Variants in LMO1 observed in about 807,000 individuals in gnomAD.
LMO1 encodes the protein rhombotin-1.
LMO1 carries 10 observed loss-of-function variants against 18.0 expected under a neutral mutation model. The observed-to-expected ratio is 0.55, with a 90% CI of 0.34 to 0.94. The LOEUF (loss-of-function observed/expected upper bound fraction) is 0.94. Ranked by LOEUF, LMO1 falls within the 40% of genes least tolerant of loss-of-function variation. The pLI, the probability that LMO1 is intolerant of heterozygous loss-of-function variation, is 0.02. For missense variants in LMO1, 183 were observed against 205.7 expected (o/e 0.89, Z 0.68); for synonymous variants, 77 against 77.9 (o/e 0.99, Z 0.06).
intron 1 of LMO1, among the ~76,000 whole-genome samples, chr11:8,248,472 A>G (rs1056463720): frequency 2.0e-5 from 3 of 152,210 alleles, no homozygotes; most frequent in African/African-American, 7.2e-5. Flanking sequence ...CAGACAGACC[A>G]CTATACAGAC....
chr11:8,238,754 C>T (rs909755608), intron 1 of LMO1, among the ~76,000 whole-genome samples: 9 of 151,598 alleles, frequency 5.9e-5, no homozygotes, highest in African/African-American at 2.2e-4. Flanking sequence ...GGACAAGGAG[C>T]CCAGTGTACT....
chr11:8,240,293 C>A (rs563854594), intron 1 of LMO1, among the ~76,000 whole-genome samples: 2 of 152,156 alleles, frequency 1.3e-5, no homozygotes, highest in Non-Finnish European at 2.9e-5. Context: ...TTTTGCAGTG[C>A]GTTTTGGTGA....
chr11:8,252,749 C>T (rs1486699868), intron 1 of LMO1, among the ~76,000 whole-genome samples: 1 of 152,232 alleles, frequency 6.6e-6, no homozygotes, highest in Non-Finnish European at 1.5e-5. Context: ...CTTGAAACAA[C>T]CCCACATGAA....
At chr11:8,230,155 A>AG in intron 2 of LMO1, 136 bp downstream of exon 2, 1 of 760,484 alleles carries the variant, frequency 1.3e-6, no homozygotes, top group Non-Finnish European at 2.2e-6. Context: ...CAAGCAGGGC[A>AG]GGGGCAGGAC....
In LMO1 at chr11:8,226,960, C is replaced by A; in HGVS notation, c.365+15G>T. 1 of 1,605,194 alleles carries A rather than the reference C, an allele frequency of 6.2e-7. No homozygotes were observed. Among genetic ancestry groups the A allele is most frequent in the East Asian group, 2.2e-5 (1 of 44,658 alleles). On this transcript the variant is annotated intron_variant, in intron 3 of 3. Transcript: ENST00000335790. ...CGTCTGGGGAGTGTGTTGGGTCGGCCAGTCCAGCACTGACCTCTGGTTGCA... is the reference window on the plus strand; with the variant it reads ...CGTCTGGGGAGTGTGTTGGGTCGGCAAGTCCAGCACTGACCTCTGGTTGCA...
intron 1 of LMO1, among the ~76,000 whole-genome samples, chr11:8,261,919 CCT>C (rs1847192729): frequency 6.6e-6 from 1 of 152,150 alleles, no homozygotes; most frequent in Non-Finnish European, 1.5e-5. Flanking sequence ...TTCCCCCCAT[CCT>C]CTCTCTTCCT....
intron 3 of LMO1, among the ~76,000 whole-genome samples, chr11:8,226,126 T>C (rs1043416049): frequency 6.6e-6 from 1 of 152,136 alleles, no homozygotes. Context: ...GGAACATACA[T>C]GCACACACAT....
chr11:8,267,627 T>C (rs554401175), upstream of LMO1, among the ~76,000 whole-genome samples: 1 of 152,260 alleles, frequency 6.6e-6, no homozygotes, highest in African/African-American at 2.4e-5. Flanking sequence ...TTACTGTAGT[T>C]TGGGCGTGGG....
chr11:8,243,175 C>A (rs1248356939), intron 1 of LMO1, among the ~76,000 whole-genome samples: 1 of 152,138 alleles, frequency 6.6e-6, no homozygotes, highest in Non-Finnish European at 1.5e-5. Flanking sequence ...AGGCATTGCC[C>A]CGGGGCTTCC....
chr11:8,226,180 C>T (rs1024486140), intron 3 of LMO1, among the ~76,000 whole-genome samples: 1 of 152,226 alleles, frequency 6.6e-6, no homozygotes, highest in South Asian at 2.1e-4. Context: ...GATACGTTAT[C>T]CCATGCACAT....
At chr11:8,230,207 CG>C in intron 2 of LMO1, 83 bp downstream of exon 2, 3 of 1,252,922 alleles carry the variant, frequency 2.4e-6, no homozygotes, top group Non-Finnish European at 3.5e-6. Context: ...GGTCTAGGGC[CG>C]GGGGCACAGT....
chr11:8,243,133 T>A (rs1020330759), intron 1 of LMO1, among the ~76,000 whole-genome samples: 1 of 152,094 alleles, frequency 6.6e-6, no homozygotes, highest in Non-Finnish European at 1.5e-5. Context: ...TGGCTGGGGC[T>A]GAGACAGCAC....
chr11:8,254,262 C>T lies in LMO1; in HGVS notation c.25+9076G>A, dbSNP rs184699921. On this transcript the variant is annotated intron_variant, in intron 1 of 3. Coordinates refer to ENST00000335790, the MANE Select transcript of LMO1 (RefSeq NM_002315.3). ...CTCCACGCCGGAATTACCATGGTAA[C>T]TCAAGTAAAAAGAATCAAGCAATTC... Among the ~76,000 whole-genome samples, 94 of 152,296 alleles carry T rather than the reference C, an allele frequency of 6.2e-4. 1 individual carries two copies. The East Asian group carries it at 0.017, about 28-fold the overall frequency.
upstream of LMO1, among the ~76,000 whole-genome samples, chr11:8,266,117 C>T (rs1430257375): frequency 6.6e-6 from 1 of 152,182 alleles, no homozygotes; most frequent in African/African-American, 2.4e-5. Flanking sequence ...TAGGGCATGC[C>T]AGCAGGGGAC....
In LMO1 at chr11:8,224,610, C is replaced by T. The variant is rs377474450; in HGVS notation, c.*6G>A. On this transcript the variant is annotated 3_prime_UTR_variant, in exon 4 of 4. Transcript: ENST00000335790. ...ACAGACGGGCCTGGAGGCCAGGCGCCGGGCGTTACTGAACTTGGGATTCAA... is the reference window on the plus strand; with the variant it reads ...ACAGACGGGCCTGGAGGCCAGGCGCTGGGCGTTACTGAACTTGGGATTCAA... The T allele has an allele frequency of 1.5e-5, 23 of 1,576,922 alleles. No homozygotes were observed. Among genetic ancestry groups the T allele is most frequent in the African/African-American group, 1.4e-4 (10 of 74,042 alleles).
chr11:8,229,211 C>G (rs777632473), intron 2 of LMO1, among the ~76,000 whole-genome samples: 28 of 152,334 alleles, frequency 1.8e-4, no homozygotes, highest in Non-Finnish European at 3.5e-4. Flanking sequence ...TTAACCCCTG[C>G]TTCTGGTCTC....
chr11:8,226,684 GCA>G (rs769306836), intron 3 of LMO1, among the ~76,000 whole-genome samples: 2 of 152,178 alleles, frequency 1.3e-5, no homozygotes, highest in Non-Finnish European at 2.9e-5. Context: ...GCATGCACAT[GCA>G]CACTCAACTA....
chr11:8,267,978 C>T (rs1847277852), upstream of LMO1, among the ~76,000 whole-genome samples: 2 of 152,252 alleles, frequency 1.3e-5, no homozygotes, highest in African/African-American at 4.8e-5. Context: ...TGGGCACCCC[C>T]ACCACCCCGC....
chr11:8,267,713 G>C (rs1011353952), upstream of LMO1, among the ~76,000 whole-genome samples: 1 of 152,206 alleles, frequency 6.6e-6, no homozygotes, highest in Non-Finnish European at 1.5e-5. Flanking sequence ...GGAACCTGAA[G>C]GACCCTAAAC....
Sources: gnomAD v4.1 joint callset for allele counts (sites outside exome capture counted in the v4.1 genomes callset) on GRCh38, gnomAD v4.1.1 for gene constraint, MANE v1.5 for transcripts, NCBI Gene and HGNC (gene_info 2026-07-23, HGNC 2026-07-21) for gene names.